Variants in ZFAND3 observed in about 807,000 individuals in gnomAD.
The protein encoded by ZFAND3 is zinc finger AN1-type containing 3.
In ZFAND3, 10 loss-of-function variants were observed where a neutral mutation model predicts 29.6. The observed-to-expected ratio is 0.34, with a 90% confidence interval of 0.21 to 0.57. The LOEUF is 0.57. Ranked by LOEUF, ZFAND3 falls within the 20% of genes least tolerant of loss-of-function variation. The probability of loss-of-function intolerance (pLI) is 0.86; values close to 1 mark genes in which losing one functional copy is unlikely to be tolerated. For missense variants in ZFAND3, 230 were observed against 304.5 expected, an observed-to-expected ratio of 0.76 and a Z score of 1.82; for synonymous variants, 128 against 112.6, an observed-to-expected ratio of 1.14 and a Z score of -0.87.
intron 5 of ZFAND3, among the ~76,000 whole-genome samples, chr6:38,130,100 C>A (rs1389797820): frequency 6.6e-6 from 1 of 151,694 alleles, no homozygotes; most frequent in East Asian, 1.9e-4. Flanking sequence ...TGTTTTTGCA[C>A]CTATTGTAAA....
At chr6:38,046,062 A>G (rs1444020010) in intron 2 of ZFAND3, among the ~76,000 whole-genome samples, 1 of 152,226 alleles carries the variant, frequency 6.6e-6, no homozygotes, top group African/African-American at 2.4e-5. Flanking sequence ...TTATATTTGA[A>G]AAATAAGTAC....
intron 2 of ZFAND3, among the ~76,000 whole-genome samples, chr6:38,015,792 G>A (rs1293900440): frequency 6.6e-6 from 1 of 152,188 alleles, no homozygotes; most frequent in South Asian, 2.1e-4. Flanking sequence ...ATTTAGGATA[G>A]CAGTTACTTC....
At chr6:37,820,743 CCT>C (rs1339737077) in intron 1 of ZFAND3, among the ~76,000 whole-genome samples, 2 of 152,170 alleles carry the variant, frequency 1.3e-5, no homozygotes, top group Non-Finnish European at 2.9e-5. Flanking sequence ...CTCAAATTCT[CCT>C]CTTTCTCAAT....
chr6:37,995,089 G>C (rs1436131808), intron 2 of ZFAND3, among the ~76,000 whole-genome samples: 1 of 152,162 alleles, frequency 6.6e-6, no homozygotes, highest in African/African-American at 2.4e-5. Flanking sequence ...GAAAGGTGGT[G>C]GCATGATAAT....
chr6:37,864,655 GTA>G (rs1764552370), intron 1 of ZFAND3, among the ~76,000 whole-genome samples: 1 of 151,796 alleles, frequency 6.6e-6, no homozygotes, highest in African/African-American at 2.4e-5. Context: ...AAAAATATAT[GTA>G]TGTGTGTGGG....
At chr6:37,826,798 C>G (rs910686549) in intron 1 of ZFAND3, among the ~76,000 whole-genome samples, 5 of 151,628 alleles carry the variant, frequency 3.3e-5, no homozygotes, top group African/African-American at 1.2e-4. Context: ...AAAACTGTAT[C>G]CTAGAATGGC....
intron 2 of ZFAND3, among the ~76,000 whole-genome samples, chr6:38,031,316 G>A (rs1400760657): frequency 1.3e-5 from 2 of 152,086 alleles, no homozygotes; most frequent in East Asian, 1.9e-4. Flanking sequence ...ACTTAATAAA[G>A]TTTCAGATTC....
chr6:38,144,202 TATATATATAATATATAATATA>T (rs1766039043), intron 5 of ZFAND3, among the ~76,000 whole-genome samples: 1 of 41,206 alleles, frequency 2.4e-5, no homozygotes, highest in Admixed American at 1.9e-4. Context: ...TATATATATA[TATATATATAATATATAATATA>T]TATATATATT....
intron 4 of ZFAND3, among the ~76,000 whole-genome samples, chr6:38,111,484 T>A (rs1765315160): frequency 6.6e-6 from 1 of 152,176 alleles, no homozygotes; most frequent in Admixed American, 6.5e-5. Context: ...TGCACAGATT[T>A]CCTTCTGCCT....
intron 1 of ZFAND3, among the ~76,000 whole-genome samples, chr6:37,887,630 A>G (rs1407885410): frequency 6.6e-6 from 1 of 152,210 alleles, no homozygotes; most frequent in Non-Finnish European, 1.5e-5. Flanking sequence ...AGATTGGGGA[A>G]CTTTGGTTTG....
At chr6:37,942,088 G>C (rs1761821169) in intron 2 of ZFAND3, among the ~76,000 whole-genome samples, 1 of 152,056 alleles carries the variant, frequency 6.6e-6, no homozygotes, top group Non-Finnish European at 1.5e-5. Flanking sequence ...AATGTAATGG[G>C]CTGTGTGCTT....
At chr6:37,968,051 A>T (rs1475598758) in intron 2 of ZFAND3, among the ~76,000 whole-genome samples, 5 of 152,218 alleles carry the variant, frequency 3.3e-5, no homozygotes, top group African/African-American at 1.2e-4. Context: ...AAATGGGAGT[A>T]ATTGAACATT....
intron 2 of ZFAND3, among the ~76,000 whole-genome samples, chr6:38,029,860 CTAT>C (rs988234425): frequency 1.3e-5 from 2 of 151,834 alleles, no homozygotes; most frequent in Non-Finnish European, 2.9e-5. Flanking sequence ...AACATTGCTA[CTAT>C]GTTTGTTTTA....
intron 5 of ZFAND3, among the ~76,000 whole-genome samples, chr6:38,144,171 G>GATATATATATATATATATATATT (rs1315714773): frequency 5.7e-5 from 5 of 87,312 alleles, no homozygotes; most frequent in African/African-American, 2.6e-4. Flanking sequence ...AGAAAAATGT[G>GATATATATATATATATATATATT]ATATATATAT....
chr6:38,067,382 G>A (rs1764367300), intron 3 of ZFAND3, among the ~76,000 whole-genome samples: 1 of 152,216 alleles, frequency 6.6e-6, no homozygotes, highest in Non-Finnish European at 1.5e-5. Flanking sequence ...TCACAGGTGT[G>A]AAGATGGAGG....
At position 37,833,744 on chromosome 6, in the gene ZFAND3, T is replaced by G. The variant is rs1763906539; in HGVS notation, c.71+13728T>G. ...GGGAGGCTGAGGCAGGAGAATCACTTGAACCTGGGAGGTGGAGGCTGCAGT... is the reference window on the plus strand; with the variant it reads ...GGGAGGCTGAGGCAGGAGAATCACTGGAACCTGGGAGGTGGAGGCTGCAGT... On this transcript the variant is annotated intron_variant, in intron 1 of 5. Transcript: ENST00000287218. Among the ~76,000 whole-genome samples, 10 of 148,738 alleles carry G rather than the reference T, an allele frequency of 6.7e-5. No individual in the cohort carries two copies. The Admixed American group carries it at 6.7e-4, about 10-fold the overall frequency.
At chr6:37,997,282 G>A (rs963271343) in intron 2 of ZFAND3, among the ~76,000 whole-genome samples, 8 of 152,052 alleles carry the variant, frequency 5.3e-5, no homozygotes, top group Admixed American at 1.3e-4. Context: ...CTTCTTCTTC[G>A]GCATAGTCTT....
chr6:38,119,854 G>C (rs1171439145), intron 5 of ZFAND3, among the ~76,000 whole-genome samples: 1 of 152,202 alleles, frequency 6.6e-6, no homozygotes, highest in Admixed American at 6.5e-5. Flanking sequence ...CTTACATAGG[G>C]AACAGCTAGA....
At chr6:38,030,860 T>C (rs1763546425) in intron 2 of ZFAND3, among the ~76,000 whole-genome samples, 1 of 152,096 alleles carries the variant, frequency 6.6e-6, no homozygotes, top group Non-Finnish European at 1.5e-5. Context: ...GAAGTAAAAT[T>C]GTTGTTTAAA....
Sources: allele counts gnomAD v4.1 joint callset (sites outside exome capture counted in the v4.1 genomes callset), GRCh38; gene constraint gnomAD v4.1.1; transcripts MANE v1.5; gene names NCBI Gene and HGNC (gene_info 2026-07-23, HGNC 2026-07-21).